The following TBC1D12 variants were observed in gnomAD, a reference collection of about 807,000 sequenced individuals.
TBC1D12 encodes the protein TBC1 domain family member 12.
Under a neutral mutation model 86.7 loss-of-function variants are expected in TBC1D12, and 56 were observed. The ratio of observed to expected loss-of-function variants is 0.65; its 90% CI spans 0.52 to 0.81. The LOEUF is 0.81. Among genes scored for constraint, TBC1D12 ranks in the 30% least tolerant of loss-of-function variants. TBC1D12 has a pLI of 0.00. For missense variants in TBC1D12, 1,023 were observed against 1,038.8 expected, an observed-to-expected ratio of 0.98 and a Z score of 0.21; for synonymous variants, 421 against 411.7, an observed-to-expected ratio of 1.02 and a Z score of -0.27.
chr10:94,517,113 C>T (rs959533275), intron 9 of TBC1D12, among the ~76,000 whole-genome samples: 1 of 152,096 alleles, frequency 6.6e-6, no homozygotes, highest in African/African-American at 2.4e-5. Context: ...TGCGGTGGCT[C>T]ATGCCTATAA....
chr10:94,416,343 A>C (rs1463807803), intron 1 of TBC1D12, among the ~76,000 whole-genome samples: 2 of 152,146 alleles, frequency 1.3e-5, no homozygotes, highest in Admixed American at 6.6e-5. Context: ...TCTTTTACTA[A>C]TTTGGAGCTT....
At chr10:94,528,604 C>A (rs1842353788) in intron 11 of TBC1D12, among the ~76,000 whole-genome samples, 1 of 151,966 alleles carries the variant, frequency 6.6e-6, no homozygotes, top group South Asian at 2.1e-4. Flanking sequence ...GGTGGATCGT[C>A]TGAGGTCAGG....
intron 1 of TBC1D12, among the ~76,000 whole-genome samples, chr10:94,424,849 T>C (rs956366470): frequency 2.7e-4 from 41 of 152,248 alleles, no homozygotes; most frequent in Admixed American, 1.2e-3. Context: ...AGTAAACTGG[T>C]AAGAGTTCTA....
In TBC1D12 at chr10:94,493,360, T is replaced by A; in HGVS notation, c.1212-5T>A. 7 of 1,605,468 alleles carry A rather than the reference T, an allele frequency of 4.4e-6. No homozygotes were observed. The highest frequency in any genetic ancestry group is 5.9e-6 in the Non-Finnish European group (7 of 1,177,458). Reference sequence around the variant, plus strand: ...TGTCTTGACTTAAGTAATTTTTTTTTCCAGAAATCTTCCTGCCAAATCTGT... The same window carrying A: ...TGTCTTGACTTAAGTAATTTTTTTTACCAGAAATCTTCCTGCCAAATCTGT... On this transcript the variant is annotated splice_region_variant and splice_polypyrimidine_tract_variant and intron_variant, in intron 3 of 12. Transcript: ENST00000225235.
At chr10:94,419,300 G>A (rs2055044118) in intron 1 of TBC1D12, among the ~76,000 whole-genome samples, 1 of 152,028 alleles carries the variant, frequency 6.6e-6, no homozygotes, top group Admixed American at 6.5e-5. Flanking sequence ...AAGTATATAG[G>A]TTATTTAGTA....
At chr10:94,493,214 T>C (rs1248293686) in intron 3 of TBC1D12, 151 bp from the exon 4 acceptor site, 1 of 651,108 alleles carries the variant, frequency 1.5e-6, no homozygotes, top group Non-Finnish European at 2.7e-6. Flanking sequence ...TGTTCTAAAA[T>C]GCACAGTTCT....
intron 11 of TBC1D12, among the ~76,000 whole-genome samples, chr10:94,524,661 C>A (rs983255282): frequency 6.7e-6 from 1 of 150,224 alleles, no homozygotes; most frequent in African/African-American, 2.5e-5. Flanking sequence ...ATCCCTTGAA[C>A]CAGGGAGTTG....
chr10:94,407,547 G>A (rs1027372333), intron 1 of TBC1D12, among the ~76,000 whole-genome samples: 1 of 152,136 alleles, frequency 6.6e-6, no homozygotes. Context: ...AGCTGGGCGT[G>A]GTGGTGGGTG....
chr10:94,507,815 A>G (rs917157887), intron 7 of TBC1D12, among the ~76,000 whole-genome samples: 1 of 152,008 alleles, frequency 6.6e-6, no homozygotes, highest in Non-Finnish European at 1.5e-5. Context: ...GCGAAACCCC[A>G]TCTCTACTAA....
At chr10:94,492,232 G>C (rs1474112935) in intron 3 of TBC1D12, among the ~76,000 whole-genome samples, 1 of 152,144 alleles carries the variant, frequency 6.6e-6, no homozygotes, top group African/African-American at 2.4e-5. Flanking sequence ...GTTTGTTACT[G>C]TCTGAGGTTT....
chr10:94,420,774 T>G (rs1440868530), intron 1 of TBC1D12, among the ~76,000 whole-genome samples: 1 of 152,212 alleles, frequency 6.6e-6, no homozygotes, highest in Non-Finnish European at 1.5e-5. Flanking sequence ...TGGTGGACAT[T>G]TGGGTGGTTT....
chr10:94,531,895 T>TGTTAC (rs1388404276), intron 12 of TBC1D12, among the ~76,000 whole-genome samples: 13 of 151,232 alleles, frequency 8.6e-5, no homozygotes, highest in Admixed American at 3.3e-4. Flanking sequence ...TGTTATGTTA[T>TGTTAC]GTTATGTTAT....
At chr10:94,468,248 G>A (rs1180968189) in intron 2 of TBC1D12, among the ~76,000 whole-genome samples, 1 of 152,002 alleles carries the variant, frequency 6.6e-6, no homozygotes, top group Non-Finnish European at 1.5e-5. Flanking sequence ...TGAGAAAACT[G>A]TCTTTTTGTC....
chr10:94,533,302 A>C lies in TBC1D12; in HGVS notation c.*206A>C, dbSNP rs1003713307. On this transcript the variant is annotated 3_prime_UTR_variant, in exon 13 of 13. Coordinates refer to ENST00000225235, the MANE Select transcript of TBC1D12 (RefSeq NM_015188.2). The stretch of plus-strand genomic sequence containing the variant: ...ATTAATAAACTATTATTTTGTAGGT[A>C]GAGTCATTTTTCAAAGGAAAAAGTT... The C allele has an allele frequency of 1.0e-4, 35 of 348,906 alleles. No homozygotes were observed. The allele number at this position is 348,906 out of a possible 1,614,324, so 21.6% of individuals were successfully genotyped here.
intron 3 of TBC1D12, among the ~76,000 whole-genome samples, chr10:94,487,874 G>GTT (rs34532625): frequency 6.7e-5 from 10 of 148,998 alleles, no homozygotes; most frequent in Non-Finnish European, 8.9e-5. Flanking sequence ...TTTTTTTTTT[G>GTT]TTTTTTTAGT....
chr10:94,490,281 C>A (rs963354352), intron 3 of TBC1D12, among the ~76,000 whole-genome samples: 1 of 151,816 alleles, frequency 6.6e-6, no homozygotes, highest in Non-Finnish European at 1.5e-5. Context: ...AGAAATATTG[C>A]AAGAATTACT....
chr10:94,480,407 A>G (rs997087051), intron 3 of TBC1D12, among the ~76,000 whole-genome samples: 4 of 152,292 alleles, frequency 2.6e-5, no homozygotes, highest in Non-Finnish European at 4.4e-5. Flanking sequence ...TTTTCTGCTT[A>G]TATAGATCAA....
At chr10:94,486,417 T>C (rs1331275090) in intron 3 of TBC1D12, among the ~76,000 whole-genome samples, 1 of 152,064 alleles carries the variant, frequency 6.6e-6, no homozygotes, top group African/African-American at 2.4e-5. Flanking sequence ...GTTTTTCTTC[T>C]TTTTTGATGT....
intron 2 of TBC1D12, among the ~76,000 whole-genome samples, chr10:94,458,893 A>G (rs2055673583): frequency 6.6e-6 from 1 of 152,182 alleles, no homozygotes; most frequent in Non-Finnish European, 1.5e-5. Flanking sequence ...GTTACAGCTC[A>G]TAAAGGCAGC....
Sources: allele counts gnomAD v4.1 joint callset (sites outside exome capture counted in the v4.1 genomes callset), GRCh38; gene constraint gnomAD v4.1.1; transcripts MANE v1.5; gene names NCBI Gene and HGNC (gene_info 2026-07-23, HGNC 2026-07-21).